Variants in SCRG1 observed in about 807,000 individuals in gnomAD.
SCRG1 encodes the protein stimulator of chondrogenesis 1.
SCRG1 carries 3 observed loss-of-function variants against 7.7 expected under a neutral mutation model. The observed-to-expected ratio is 0.39, with a 90% CI of 0.18 to 1.01. SCRG1 has a LOEUF of 1.01. Ranked by LOEUF, SCRG1 falls within the 50% of genes least tolerant of loss-of-function variation. The pLI, the probability that SCRG1 is intolerant of heterozygous loss-of-function variation, is 0.36. For synonymous variants in SCRG1, 46 were observed against 41.2 expected, an observed-to-expected ratio of 1.12 and a Z score of -0.44; for missense variants, 110 against 117.2, an observed-to-expected ratio of 0.94 and a Z score of 0.28.
At chr4:173,424,725 A>T in the SCRG1 span, among the ~76,000 whole-genome samples, 1 of 152,122 alleles carries the variant, frequency 6.6e-6, no homozygotes, top group Admixed American at 6.6e-5. Flanking sequence ...CCTGGCCAAC[A>T]TGGTGAAACT....
the SCRG1 span, among the ~76,000 whole-genome samples, chr4:173,420,435 A>T: frequency 2.6e-5 from 4 of 152,244 alleles, no homozygotes; most frequent in African/African-American, 9.6e-5. Flanking sequence ...ATTTTTAATA[A>T]ATGAAAACAC....
chr4:173,518,397 TA>T, the SCRG1 span, among the ~76,000 whole-genome samples: 1 of 152,190 alleles, frequency 6.6e-6, no homozygotes, highest in Non-Finnish European at 1.5e-5. Context: ...CTTATTTTTT[TA>T]AAATAAAGGC....
At chr4:173,424,229 T>C in the SCRG1 span, among the ~76,000 whole-genome samples, 2 of 152,180 alleles carry the variant, frequency 1.3e-5, no homozygotes, top group Non-Finnish European at 2.9e-5. Context: ...ACAACATAAA[T>C]GGCTTATTTA....
At chr4:173,489,185 A>G in the SCRG1 span, among the ~76,000 whole-genome samples, 1 of 152,212 alleles carries the variant, frequency 6.6e-6, no homozygotes, top group Non-Finnish European at 1.5e-5. Flanking sequence ...ATAAGTGTTT[A>G]CAGAAGCTTT....
upstream of SCRG1, among the ~76,000 whole-genome samples, chr4:173,401,526 T>C (rs1739762202): frequency 6.6e-6 from 1 of 152,236 alleles, no homozygotes; most frequent in Non-Finnish European, 1.5e-5. Context: ...TAATTCTGTC[T>C]AAATTTCCCT....
the SCRG1 span, among the ~76,000 whole-genome samples, chr4:173,413,563 T>C: frequency 6.6e-6 from 1 of 152,196 alleles, no homozygotes; most frequent in African/African-American, 2.4e-5. Context: ...CAACCATCAG[T>C]AACCCTCTCT....
At chr4:173,440,633 A>G in the SCRG1 span, among the ~76,000 whole-genome samples, 2 of 152,188 alleles carry the variant, frequency 1.3e-5, no homozygotes, top group Non-Finnish European at 2.9e-5. Flanking sequence ...GTAAGAGGAG[A>G]GGGCTCTCTA....
At chr4:173,485,018 TA>T in the SCRG1 span, among the ~76,000 whole-genome samples, 1 of 26,012 alleles carries the variant, frequency 3.8e-5, no homozygotes, top group Non-Finnish European at 6.7e-5. Flanking sequence ...TAATATATAA[TA>T]TATAATATAT....
At chr4:173,435,680 G>A in the SCRG1 span, among the ~76,000 whole-genome samples, 1 of 152,190 alleles carries the variant, frequency 6.6e-6, no homozygotes, top group African/African-American at 2.4e-5. Flanking sequence ...CTTAGTCAGA[G>A]TCCATTTTTT....
the SCRG1 span, among the ~76,000 whole-genome samples, chr4:173,446,052 T>G: frequency 9.9e-5 from 15 of 152,034 alleles, no homozygotes; most frequent in Non-Finnish European, 1.9e-4. Flanking sequence ...ATGAAGACAC[T>G]TCCAGGTATA....
chr4:173,492,969 ACT>A, the SCRG1 span, among the ~76,000 whole-genome samples: 1 of 152,172 alleles, frequency 6.6e-6, no homozygotes, highest in Non-Finnish European at 1.5e-5. Context: ...AGGGATTGAC[ACT>A]GAGTCACAGG....
At chr4:173,433,246 T>C in the SCRG1 span, among the ~76,000 whole-genome samples, 1 of 152,172 alleles carries the variant, frequency 6.6e-6, no homozygotes. Flanking sequence ...ACTGAATAAA[T>C]TTTAGAAATA....
the SCRG1 span, among the ~76,000 whole-genome samples, chr4:173,460,586 C>T: frequency 6.6e-6 from 1 of 152,214 alleles, no homozygotes; most frequent in African/African-American, 2.4e-5. Flanking sequence ...ACCCCGTGCC[C>T]TGAAGGAAAG....
the SCRG1 span, among the ~76,000 whole-genome samples, chr4:173,483,688 T>TATGATATATGATA: frequency 3.3e-3 from 4 of 1,206 alleles, 1 homozygote; most frequent in Non-Finnish European, 0.045. Flanking sequence ...ATATATTATA[T>TATGATATATGATA]TGTGATATAT....
At chr4:173,487,460 A>G in the SCRG1 span, among the ~76,000 whole-genome samples, 1 of 152,206 alleles carries the variant, frequency 6.6e-6, no homozygotes, top group East Asian at 1.9e-4. Context: ...ATCTCAGAAG[A>G]CATGATTTGG....
At chr4:173,391,149 C>T (rs776577191) in intron 2 of SCRG1, 24 bp downstream of exon 2, 22 of 1,612,194 alleles carry the variant, frequency 1.4e-5, no homozygotes, top group Non-Finnish European at 1.8e-5. Flanking sequence ...CCAGGCAATA[C>T]ACTTTGTGAT....
the SCRG1 span, among the ~76,000 whole-genome samples, chr4:173,431,355 G>C: frequency 6.6e-6 from 1 of 152,088 alleles, no homozygotes; most frequent in Non-Finnish European, 1.5e-5. Flanking sequence ...AAGTGAGTTT[G>C]GAAAGCAGAC....
chr4:173,401,551 T>C (rs566000335), upstream of SCRG1, among the ~76,000 whole-genome samples: 1 of 152,330 alleles, frequency 6.6e-6, no homozygotes, highest in South Asian at 2.1e-4. Flanking sequence ...GTGTTGCTTA[T>C]TTTGTCTCCT....
the SCRG1 span, among the ~76,000 whole-genome samples, chr4:173,459,416 T>C: frequency 6.6e-6 from 1 of 152,212 alleles, no homozygotes; most frequent in East Asian, 1.9e-4. Flanking sequence ...AAGTATCTTT[T>C]CTGAGCACAA....
Sources: gnomAD v4.1 joint callset for allele counts (sites outside exome capture counted in the v4.1 genomes callset) on GRCh38, gnomAD v4.1.1 for gene constraint, MANE v1.5 for transcripts, NCBI Gene and HGNC (gene_info 2026-07-23, HGNC 2026-07-21) for gene names.